The following MCTP1 variants were observed in gnomAD, a reference collection of about 807,000 sequenced individuals.
The protein encoded by MCTP1 is multiple C2 and transmembrane domain containing 1, also known as multiple C2 and transmembrane domain-containing protein 1.
A neutral mutation model predicts 120.6 loss-of-function variants in MCTP1; 69 were observed. The ratio of observed to expected loss-of-function variants is 0.57; its 90% CI spans 0.47 to 0.70. The LOEUF (loss-of-function observed/expected upper bound fraction) is 0.70, where lower values mean the gene tolerates loss of function less well. Ranked by LOEUF, MCTP1 falls within the 30% of genes least tolerant of loss-of-function variation. The pLI, the probability that MCTP1 is intolerant of heterozygous loss-of-function variation, is 0.00. For missense variants in MCTP1, 1,203 were observed against 1,248.8 expected (o/e 0.96, Z 0.55); for synonymous variants, 529 against 493.1 (o/e 1.07, Z -0.96).
At chr5:95,270,319 G>A (rs457819) in intron 1 of MCTP1, among the ~76,000 whole-genome samples, 130,304 of 151,856 alleles carry the variant, frequency 0.86, 56,035 homozygotes, top group African/African-American at 0.92. Flanking sequence ...GGGCAAGTCA[G>A]TTAATCTCCT....
At chr5:95,225,789 T>C (rs1234428398) in intron 1 of MCTP1, among the ~76,000 whole-genome samples, 1 of 152,148 alleles carries the variant, frequency 6.6e-6, no homozygotes. Flanking sequence ...CCACCTAGTC[T>C]GTCCCCATAC....
chr5:94,766,131 C>A (rs1332583189), intron 19 of MCTP1, among the ~76,000 whole-genome samples: 1 of 152,120 alleles, frequency 6.6e-6, no homozygotes, highest in Non-Finnish European at 1.5e-5. Context: ...CCTGTAATCC[C>A]AGCAATTCAG....
intron 2 of MCTP1, among the ~76,000 whole-genome samples, chr5:94,987,487 T>A (rs572962723): frequency 6.6e-6 from 1 of 152,328 alleles, no homozygotes; most frequent in Admixed American, 6.5e-5. Flanking sequence ...TGCAGAGTTT[T>A]CATGACCTCT....
intron 17 of MCTP1, among the ~76,000 whole-genome samples, chr5:94,831,459 G>A (rs1195216175): frequency 6.6e-6 from 1 of 152,186 alleles, no homozygotes; most frequent in Admixed American, 6.5e-5. Flanking sequence ...AAATATGTTT[G>A]CAAAAGATTT....
At chr5:95,169,491 C>G (rs1582425534) in intron 1 of MCTP1, among the ~76,000 whole-genome samples, 1 of 152,094 alleles carries the variant, frequency 6.6e-6, no homozygotes, top group East Asian at 1.9e-4. Flanking sequence ...CTCCTTGTAC[C>G]TCTGGTAGAA....
At chr5:95,196,423 A>G (rs1230617201) in intron 1 of MCTP1, among the ~76,000 whole-genome samples, 1 of 152,200 alleles carries the variant, frequency 6.6e-6, no homozygotes, top group African/African-American at 2.4e-5. Context: ...CAAAGCTGGA[A>G]AGTGGCAGAA....
chr5:95,017,204 T>C (rs1159978117), intron 2 of MCTP1, among the ~76,000 whole-genome samples, 163 bp downstream of exon 2: 1 of 152,130 alleles, frequency 6.6e-6, no homozygotes, highest in African/African-American at 2.4e-5. Context: ...TCTTCCACCA[T>C]GGTCACAGGA....
chr5:95,247,492 A>C (rs941242735), intron 1 of MCTP1, among the ~76,000 whole-genome samples: 1 of 151,952 alleles, frequency 6.6e-6, no homozygotes, highest in Admixed American at 6.6e-5. Context: ...TAGGGTGTCG[A>C]TTTTAGATCT....
intron 1 of MCTP1, among the ~76,000 whole-genome samples, chr5:95,151,130 C>CATATATATAT (rs3037035): frequency 0.036 from 4,556 of 125,704 alleles, 143 homozygotes; most frequent in East Asian, 0.18. Flanking sequence ...ACGCCTGGCT[C>CATATATATAT]ATATATATAT....
At chr5:94,798,755 A>T (rs1780589345) in intron 18 of MCTP1, among the ~76,000 whole-genome samples, 1 of 152,178 alleles carries the variant, frequency 6.6e-6, no homozygotes, top group South Asian at 2.1e-4. Context: ...CCCATTTATG[A>T]TTGAAAATCA....
intron 1 of MCTP1, among the ~76,000 whole-genome samples, chr5:95,121,717 ACTGGAAGAAT>A (rs1163109876): frequency 1.3e-5 from 2 of 152,012 alleles, no homozygotes; most frequent in African/African-American, 4.8e-5. Flanking sequence ...AAAGAACAAA[ACTGGAAGAAT>A]CGTATTACCT....
chr5:94,823,480 T>C (rs1177024736), intron 17 of MCTP1, among the ~76,000 whole-genome samples: 1 of 152,244 alleles, frequency 6.6e-6, no homozygotes, highest in Non-Finnish European at 1.5e-5. Context: ...GGTAGCATTA[T>C]GCATCCGGCT....
At chr5:95,212,848 T>A (rs564388277) in intron 1 of MCTP1, among the ~76,000 whole-genome samples, 1 of 152,218 alleles carries the variant, frequency 6.6e-6, no homozygotes, top group South Asian at 2.1e-4. Context: ...AAATTAGGTA[T>A]TCACGGGACG....
At chr5:95,033,675 T>C (rs1840705264) in intron 1 of MCTP1, among the ~76,000 whole-genome samples, 1 of 152,004 alleles carries the variant, frequency 6.6e-6, no homozygotes, top group Admixed American at 6.6e-5. Flanking sequence ...ACAAGACAGA[T>C]GTCCACTCTT....
chr5:94,779,188 T>A, intron 18 of MCTP1, 25 bp from the exon 19 acceptor site: 1 of 1,605,310 alleles, frequency 6.2e-7, no homozygotes. Context: ...AGAAGTCGTT[T>A]TTTGTGCTCT....
In MCTP1 at chr5:95,054,232, G is replaced by A. The variant is rs1205383537; in HGVS notation, c.721-36748C>T. 2.0e-5 allele frequency among the ~76,000 whole-genome samples: 3 copies of A among 152,280 alleles called. No individual in the cohort carries two copies. The East Asian group carries it at 5.8e-4, about 29-fold the overall frequency. ...ACCTGTCCAAGATTACCCGGTTACTGTAGTAGTGGAGCCAAGACTAGCTTC... is the reference window on the plus strand; with the variant it reads ...ACCTGTCCAAGATTACCCGGTTACTATAGTAGTGGAGCCAAGACTAGCTTC... On this transcript the variant is annotated intron_variant, in intron 1 of 22. Transcript: ENST00000515393.
rs772257890 is a variant in MCTP1, at chr5:94,707,573, T to TAAAC, written c.2929-10_2929-7dup. Reference sequence around the variant, plus strand: ...TTCAGTTCTTGGTATTGCACCTGTTTAAACAGAGTTCAGAGGAAGACTGGT... The same window carrying TAAAC: ...TTCAGTTCTTGGTATTGCACCTGTTTAAACAAACAGAGTTCAGAGGAAGACTGGT... On this transcript the variant is annotated splice_region_variant and splice_polypyrimidine_tract_variant and intron_variant, in intron 22 of 22. Coordinates refer to ENST00000515393, the MANE Select transcript of MCTP1 (RefSeq NM_024717.7). The TAAAC allele has an allele frequency of 2.5e-6, 4 of 1,609,460 alleles. No individual in the cohort carries two copies. Among genetic ancestry groups the TAAAC allele is most frequent in the Non-Finnish European group, 3.4e-6 (4 of 1,176,480 alleles).
At chr5:94,754,953 C>T (rs1337816206) in intron 19 of MCTP1, among the ~76,000 whole-genome samples, 1 of 152,162 alleles carries the variant, frequency 6.6e-6, no homozygotes, top group Non-Finnish European at 1.5e-5. Context: ...TTATACAACT[C>T]ATTCTGGGCT....
chr5:95,030,566 A>T (rs898583836), intron 1 of MCTP1, among the ~76,000 whole-genome samples: 3 of 152,194 alleles, frequency 2.0e-5, no homozygotes, highest in Admixed American at 6.5e-5. Context: ...AACCCAAGAG[A>T]CACATCCAGA....
Sources: gnomAD v4.1 joint callset for allele counts (sites outside exome capture counted in the v4.1 genomes callset) on GRCh38, gnomAD v4.1.1 for gene constraint, MANE v1.5 for transcripts, NCBI Gene and HGNC (gene_info 2026-07-23, HGNC 2026-07-21) for gene names.